The following ABCG1 variants were observed in gnomAD, a reference collection of about 807,000 sequenced individuals.
ABCG1 encodes ATP binding cassette subfamily G member 1, also known as ATP-binding cassette sub-family G member 1.
ABCG1 carries 29 observed loss-of-function variants against 69.2 expected under a neutral mutation model. The observed-to-expected ratio is 0.42, with a 90% CI of 0.31 to 0.57. The LOEUF is 0.57. ABCG1 is among the 20% of genes least tolerant of loss of function. ABCG1 has a pLI of 0.15. For missense variants in ABCG1, 718 were observed against 898.1 expected, an observed-to-expected ratio of 0.80 and a Z score of 2.56; for synonymous variants, 370 against 374.8, an observed-to-expected ratio of 0.99 and a Z score of 0.15.
upstream of ABCG1, among the ~76,000 whole-genome samples, chr21:42,214,331 A>G (rs73362710): frequency 0.048 from 7,290 of 152,278 alleles, 568 homozygotes; most frequent in African/African-American, 0.16. Context: ...GACACCAGAG[A>G]TGCTGGAGTT....
chr21:42,260,859 G>GTTGC (rs1555956097), intron 2 of ABCG1, among the ~76,000 whole-genome samples: 1 of 151,054 alleles, frequency 6.6e-6, no homozygotes, highest in Non-Finnish European at 1.5e-5. Flanking sequence ...GTCTCGCTCT[G>GTTGC]CCAGGCTGGA....
Position 42,219,273 on chromosome 21 carries a change from T to C in ABCG1, c.11T>C (p.Leu4Pro). 2.5e-6 allele frequency: 4 copies of C among 1,587,518 alleles called. No homozygotes were observed. Among genetic ancestry groups the C allele is most frequent in the Non-Finnish European group, 3.4e-6 (4 of 1,172,622 alleles). The change falls in exon 1 of 15, where the codon CTG (leucine) becomes CCG (proline). Residue 4 changes from leucine (L) to proline (P), a missense_variant. Around this residue, in one of 2 missense-constraint regions of ABCG1, gnomAD observed 514 missense variants for 574.3 expected, o/e 0.90. Coordinates refer to ENST00000398449, the MANE Select transcript of ABCG1 (RefSeq NM_016818.3). This position sits in a 1 kb window ranked among gnomAD's most constrained non-coding sequence, Gnocchi z 5.3. ...CGCCGCCCCCGGGGCATGGCCTGTCTGATGGCCGCTTTCTCGGTCGGCACC... is the reference window on the plus strand; with the variant it reads ...CGCCGCCCCCGGGGCATGGCCTGTCCGATGGCCGCTTTCTCGGTCGGCACC... Reference protein sequence around the residue: MACLMAAFSVGTAM... With the variant: MACPMAAFSVGTAM...
At position 42,240,057 on chromosome 21, in the gene ABCG1, A is replaced by G. The variant is rs1427623198; in HGVS notation, c.286+14143A>G. Among the ~76,000 whole-genome samples, 4 of 152,324 alleles carry G rather than the reference A, an allele frequency of 2.6e-5. No individual in the cohort carries two copies. The East Asian group carries it at 7.7e-4, about 29-fold the overall frequency. On this transcript the variant is annotated intron_variant, in intron 2 of 14. Transcript: ENST00000398449. ...TGTGGGAGCCCATGGTGCCTTCTGC[A>G]GGGCACTGGAGAACGCTGTGTGTGC... is the stretch of plus-strand genomic sequence containing the variant.
At chr21:42,214,906 G>A (rs886202710), upstream of ABCG1, among the ~76,000 whole-genome samples, 5 of 152,226 alleles carry the variant, frequency 3.3e-5, no homozygotes, top group African/African-American at 1.2e-4. Context: ...AGAGGAGCTG[G>A]GCAAAGGGGC....
Position 42,288,104 on chromosome 21 carries a change from G to A in ABCG1, c.1122+67G>A. On this transcript the variant is annotated intron_variant, in intron 9 of 14. Coordinates refer to ENST00000398449, the MANE Select transcript of ABCG1 (RefSeq NM_016818.3). This position sits in a 1 kb window ranked among gnomAD's most constrained non-coding sequence, Gnocchi z 4.8. ...GCAAATCCCGAAGCCCCCTGGGGGA[G>A]GCTGCACGTGGCACCGTGCACTGCT... The A allele has an allele frequency of 6.2e-7, 1 of 1,606,950 alleles. No homozygotes were observed. The highest frequency in any genetic ancestry group is 8.5e-7 in the Non-Finnish European group (1 of 1,174,124).
chr21:42,234,487 C>T (rs936256957), intron 2 of ABCG1, among the ~76,000 whole-genome samples: 6 of 152,182 alleles, frequency 3.9e-5, no homozygotes, highest in South Asian at 2.1e-4. Flanking sequence ...GTCTGGAGCT[C>T]CCCGCACCTG....
chr21:42,203,682 G>A lies in ABCG1; in HGVS notation c.48+1959G>A, dbSNP rs138814429. Among the ~76,000 whole-genome samples the A allele has an allele frequency of 8.0e-3, 1,224 of 152,288 alleles. 24 individuals are homozygous for A. Among genetic ancestry groups the A allele is most frequent in the African/African-American group, 0.028 (1,160 of 41,556 alleles). ...TAAAATAAGTCTTGATACCAGGTAA[G>A]CTGATTTCTCCTCCTTTATTCTTTG... On this transcript the variant is annotated intron_variant, in intron 2 of 15. Transcript: ENST00000398457.
Position 42,287,754 on chromosome 21 carries a change from C to G in ABCG1, c.974-135C>G. On this transcript the variant is annotated intron_variant, in intron 8 of 14. Coordinates refer to ENST00000398449, the MANE Select transcript of ABCG1 (RefSeq NM_016818.3). This position sits in a 1 kb window ranked among gnomAD's most constrained non-coding sequence, Gnocchi z 6.2. ...GCTGGTTGATAAATGATTTTGACGT[C>G]ATGCCATTAGCACCGCCACGCAGCA... 1 of 886,062 alleles carries G rather than the reference C, an allele frequency of 1.1e-6. No homozygotes were observed. 54.9% of individuals were successfully genotyped at this position (886,062 alleles called of 1,614,324 possible). A position where few individuals can be genotyped will look rare whatever the true frequency, so the allele number is the denominator to read the frequency against.
chr21:42,216,263 A>G, upstream of ABCG1: 1 of 365,182 alleles, frequency 2.7e-6, no homozygotes, highest in Non-Finnish European at 5.5e-6. Flanking sequence ...GTGAAAATGG[A>G]CTAATACAGA....
At chr21:42,216,487 C>T (rs1051840215), upstream of ABCG1, among the ~76,000 whole-genome samples, 4 of 152,182 alleles carry the variant, frequency 2.6e-5, no homozygotes, top group African/African-American at 9.7e-5. Flanking sequence ...CATTTCATCC[C>T]ATGTGAACCA....
upstream of ABCG1, among the ~76,000 whole-genome samples, chr21:42,212,254 C>A (rs1021764694): frequency 2.6e-5 from 4 of 152,038 alleles, no homozygotes; most frequent in Non-Finnish European, 5.9e-5. Context: ...CAAAGACCTG[C>A]AGATGTGGAA....
intron 2 of ABCG1, among the ~76,000 whole-genome samples, chr21:42,203,582 G>A (rs1444848406): frequency 6.6e-6 from 1 of 152,166 alleles, no homozygotes; most frequent in Non-Finnish European, 1.5e-5. Context: ...TGTGATTCTG[G>A]GTTTTCCATT....
chr21:42,232,345 A>T (rs1289957766), intron 2 of ABCG1, among the ~76,000 whole-genome samples: 2 of 152,064 alleles, frequency 1.3e-5, no homozygotes, highest in Admixed American at 6.5e-5. Context: ...CCAAACCCTC[A>T]CCAGCTTGGG....
intron 6 of ABCG1, among the ~76,000 whole-genome samples, chr21:42,283,424 A>C (rs1026775004): frequency 2.0e-5 from 3 of 152,190 alleles, no homozygotes; most frequent in Admixed American, 1.3e-4. Context: ...GGATGAGAGC[A>C]GGAGTAGATC....
chr21:42,261,472 C>T (rs746729264), intron 2 of ABCG1, among the ~76,000 whole-genome samples: 2 of 152,164 alleles, frequency 1.3e-5, no homozygotes, highest in Non-Finnish European at 2.9e-5. Context: ...CAAACTCCAT[C>T]GCAGACTCCC....
chr21:42,276,655 G>A lies in ABCG1; in HGVS notation c.538-240G>A, dbSNP rs1048535007. 9 of 473,114 alleles carry A rather than the reference G, an allele frequency of 1.9e-5. No homozygotes were observed. Among genetic ancestry groups the A allele is most frequent in the Non-Finnish European group, 3.4e-5 (9 of 264,786 alleles). The allele number at this position is 473,114 out of a possible 1,614,324, so 29.3% of individuals were successfully genotyped here. On this transcript the variant is annotated intron_variant, in intron 4 of 14. Transcript: ENST00000398449. This position sits in a 1 kb window ranked among gnomAD's most constrained non-coding sequence, Gnocchi z 5.3. ...ATGGTGGCTAGTTGCACCGTGGCTA[G>A]TGGCCTTATGCCTAGCTGCACTGTG...
At chr21:42,245,667 C>T (rs371491408) in intron 2 of ABCG1, among the ~76,000 whole-genome samples, 45 of 152,232 alleles carry the variant, frequency 3.0e-4, no homozygotes, top group East Asian at 1.5e-3. Flanking sequence ...AAACAGGAGT[C>T]GCATCAGAGA....
intron 6 of ABCG1, among the ~76,000 whole-genome samples, 174 bp downstream of exon 6, chr21:42,282,593 C>A (rs528228644): frequency 6.6e-6 from 1 of 152,348 alleles, no homozygotes; most frequent in South Asian, 2.1e-4. Flanking sequence ...ACTTATGCCC[C>A]CTCTCTCACT....
chr21:42,260,279 A>G, intron 2 of ABCG1: 1 of 1,465,366 alleles, frequency 6.8e-7, no homozygotes, highest in Non-Finnish European at 9.1e-7. Flanking sequence ...ACGGAGCCGA[A>G]TGGTGGCCCG....
Sources: allele counts gnomAD v4.1 joint callset (sites outside exome capture counted in the v4.1 genomes callset), GRCh38; gene constraint gnomAD v4.1.1; regional missense constraint gnomAD v4.1.1; non-coding constraint Gnocchi (gnomAD v3.1); transcripts MANE v1.5; gene names NCBI Gene and HGNC (gene_info 2026-07-23, HGNC 2026-07-21).